The following FIGN variants were observed in gnomAD, a reference collection of about 807,000 sequenced individuals.
The protein encoded by FIGN is fidgetin.
A neutral mutation model predicts 51.3 loss-of-function variants in FIGN; 11 were observed. That is an observed-to-expected ratio of 0.21 (90% confidence interval 0.13 to 0.35). The LOEUF (loss-of-function observed/expected upper bound fraction) is 0.35, where lower values mean the gene tolerates loss of function less well. FIGN is among the 10% of genes least tolerant of loss of function. The pLI is 1.00. For synonymous variants in FIGN, 407 were observed against 363.2 expected (o/e 1.12, Z -1.37); for missense variants, 857 against 943.6 (o/e 0.91, Z 1.20).
intron 2 of FIGN, among the ~76,000 whole-genome samples, chr2:163,714,424 C>T (rs966803150): frequency 2.0e-5 from 3 of 152,164 alleles, no homozygotes. Flanking sequence ...AAGTGTCCTG[C>T]GTCACCTCCC....
intron 2 of FIGN, among the ~76,000 whole-genome samples, chr2:163,660,767 ATG>A (rs1683646975): frequency 9.6e-6 from 1 of 104,676 alleles, no homozygotes; most frequent in Admixed American, 1.3e-4. Flanking sequence ...ATACATATAT[ATG>A]TATACACATA....
In FIGN at chr2:163,611,513, C is replaced by G. The variant is rs976658829; in HGVS notation, c.319G>C (p.Glu107Gln). 6.2e-7 allele frequency: 1 copy of G among 1,614,180 alleles called. No individual in the cohort carries two copies. Among genetic ancestry groups the G allele is most frequent in the African/African-American group, 1.3e-5 (1 of 75,054 alleles). Residue 107 changes from glutamate (E) to glutamine (Q), a missense_variant, in exon 3 of 3, where the codon GAA becomes CAA. Transcript: ENST00000333129. ...GLVNGRKNESEPWQPSLNSEA... is the reference protein window; with the variant it reads ...GLVNGRKNESQPWQPSLNSEA... ...GAATTCAAGGAAGGCTGCCAGGGTT[C>G]ACTTTCATTTTTCCGACCGTTCACT...
chr2:163,613,137 T>A (rs1682797971), intron 2 of FIGN, among the ~76,000 whole-genome samples: 1 of 152,120 alleles, frequency 6.6e-6, no homozygotes, highest in Admixed American at 6.6e-5. Flanking sequence ...CCTCGAGGTC[T>A]CACATACAGT....
At position 163,610,166 on chromosome 2, in the gene FIGN, C is replaced by T; in HGVS notation, c.1666G>A (p.Val556Ile). The T allele has an allele frequency of 6.2e-7, 1 of 1,614,126 alleles. No homozygotes were observed. The highest frequency in any genetic ancestry group is 8.5e-7 in the Non-Finnish European group (1 of 1,180,024). The part of the protein sequence containing the change: ...TFFKIAGSGL[V>I]AKWLGEAEKI... ...TCTGCTTCTCCTAACCACTTGGCGA[C>T]TAGTCCAGAACCGGCAATTTTGAAA... Residue 556 changes from valine (V) to isoleucine (I), a missense_variant, in exon 3 of 3, where the codon GTC becomes ATC. This residue lies in a region of FIGN where 799 missense variants were observed against 849.5 expected (regional missense o/e 0.94). Coordinates refer to ENST00000333129, the MANE Select transcript of FIGN (RefSeq NM_018086.4).
Position 163,624,996 on chromosome 2 carries a change from C to A in FIGN, c.26-13190G>T, listed in dbSNP as rs144433051. Reference sequence around the variant, plus strand: ...ATTTATTGCAATAATCTCTTTTTTTCTATTTTAAATATACTTGGAAATACA... The same window carrying A: ...ATTTATTGCAATAATCTCTTTTTTTATATTTTAAATATACTTGGAAATACA... On this transcript the variant is annotated intron_variant, in intron 2 of 2. Transcript: ENST00000333129. Among the ~76,000 whole-genome samples, 1,371 of 151,836 alleles carry A rather than the reference C, an allele frequency of 9.0e-3. 21 individuals carry two copies. The highest frequency in any genetic ancestry group is 0.028 in the African/African-American group (1,153 of 41,468).
intron 2 of FIGN, among the ~76,000 whole-genome samples, chr2:163,730,856 C>T (rs1049937917): frequency 2.0e-5 from 3 of 152,084 alleles, no homozygotes; most frequent in African/African-American, 7.2e-5. Context: ...ATTTAAATTC[C>T]TGGTAATTAA....
intron 2 of FIGN, among the ~76,000 whole-genome samples, chr2:163,676,166 T>C (rs1382097851): frequency 6.6e-6 from 1 of 151,690 alleles, no homozygotes; most frequent in Non-Finnish European, 1.5e-5. Context: ...AATTCCTTTT[T>C]TTGCTTAAAT....
rs1242702029 is a variant in FIGN, at chr2:163,611,786, G to A, written c.46C>T (p.Pro16Ser). ...TGTTCTGGCCACTGGGCATGCTCTG[G>A]CGTCCACTGCATCTTCAAGCCTAAG... ...SVYGLKMQWTPEHAQWPEQHF... is the reference protein window; with the variant it reads ...SVYGLKMQWTSEHAQWPEQHF... The change falls in exon 3 of 3, where the codon CCA (proline) becomes TCA (serine). Residue 16 changes from proline to serine, a missense_variant. By Grantham distance (74) the Pro-to-Ser change is moderately conservative (BLOSUM62 -1). Around this residue, in one of 3 missense-constraint regions of FIGN, gnomAD observed 56 missense variants for 75.3 expected, o/e 0.74. Coordinates refer to ENST00000333129, the MANE Select transcript of FIGN (RefSeq NM_018086.4). 6.2e-7 allele frequency: 1 copy of A among 1,602,250 alleles called. No individual in the cohort carries two copies. The highest frequency in any genetic ancestry group is 2.2e-5 in the East Asian group (1 of 44,448).
intron 2 of FIGN, among the ~76,000 whole-genome samples, chr2:163,613,913 A>T (rs934763328): frequency 6.6e-6 from 1 of 152,166 alleles, no homozygotes; most frequent in Non-Finnish European, 1.5e-5. Context: ...TAACTTAATC[A>T]ACCTAAATAT....
chr2:163,679,226 A>T (rs1573945117), intron 2 of FIGN, among the ~76,000 whole-genome samples: 1 of 151,830 alleles, frequency 6.6e-6, no homozygotes, highest in African/African-American at 2.4e-5. Context: ...GGGCGTGGCG[A>T]CTCACACCTG....
chr2:163,672,273 C>G (rs1428609918), intron 2 of FIGN, among the ~76,000 whole-genome samples: 1 of 149,922 alleles, frequency 6.7e-6, no homozygotes, highest in East Asian at 2.0e-4. Context: ...AAAACTACTT[C>G]GTTGATTTTG....
chr2:163,618,569 C>T (rs1045199576), intron 2 of FIGN, among the ~76,000 whole-genome samples: 1 of 151,702 alleles, frequency 6.6e-6, no homozygotes, highest in African/African-American at 2.4e-5. Flanking sequence ...CAGCACAGGG[C>T]TTTAAAAATC....
At chr2:163,709,720 G>A (rs907074270) in intron 2 of FIGN, among the ~76,000 whole-genome samples, 1 of 151,924 alleles carries the variant, frequency 6.6e-6, no homozygotes, top group Non-Finnish European at 1.5e-5. Context: ...CCTATAACAA[G>A]GTAAAATAAA....
chr2:163,607,020 C>A lies in FIGN; in HGVS notation c.*2532G>T, dbSNP rs1691125364. 1 of 152,126 alleles carries A rather than the reference C, an allele frequency of 6.6e-6. No individual in the cohort carries two copies. Among genetic ancestry groups the A allele is most frequent in the African/African-American group, 2.4e-5 (1 of 41,432 alleles). The allele number at this position is 152,126 out of a possible 1,614,324, so 9.4% of individuals were successfully genotyped here. A position where few individuals can be genotyped will look rare whatever the true frequency, so the allele number is the denominator to read the frequency against. On this transcript the variant is annotated 3_prime_UTR_variant, in exon 3 of 3. Coordinates refer to ENST00000333129, the MANE Select transcript of FIGN (RefSeq NM_018086.4). The stretch of plus-strand genomic sequence containing the variant: ...TGCAGTCATATATTTGGCATTAAAT[C>A]TTACTAGCCACAAAAAAATGTGGGT...
intron 2 of FIGN, among the ~76,000 whole-genome samples, chr2:163,647,194 C>G (rs1275299720): frequency 6.6e-6 from 1 of 152,162 alleles, no homozygotes; most frequent in Non-Finnish European, 1.5e-5. Flanking sequence ...AAACAAGGTA[C>G]ATACAAACGT....
chr2:163,723,080 G>A (rs1167746922), intron 2 of FIGN, among the ~76,000 whole-genome samples: 1 of 151,784 alleles, frequency 6.6e-6, no homozygotes, highest in African/African-American at 2.4e-5. Flanking sequence ...AGTCCCAGCT[G>A]CTGGGGAGGC....
At chr2:163,686,708 G>A (rs1236072486) in intron 2 of FIGN, among the ~76,000 whole-genome samples, 1 of 151,698 alleles carries the variant, frequency 6.6e-6, no homozygotes, top group Non-Finnish European at 1.5e-5. Context: ...GGCTCCCAGT[G>A]ACATTTAGCT....
At chr2:163,638,438 T>C (rs568847012) in intron 2 of FIGN, among the ~76,000 whole-genome samples, 1 of 152,236 alleles carries the variant, frequency 6.6e-6, no homozygotes, top group Non-Finnish European at 1.5e-5. Flanking sequence ...TCCAAAACAC[T>C]AATTGCTCAC....
At chr2:163,633,377 A>G (rs1401608364) in intron 2 of FIGN, among the ~76,000 whole-genome samples, 2 of 152,140 alleles carry the variant, frequency 1.3e-5, no homozygotes, top group Non-Finnish European at 1.5e-5. Context: ...TCAACGTCCT[A>G]TATTATTTCC....
Sources: allele counts gnomAD v4.1 joint callset (sites outside exome capture counted in the v4.1 genomes callset), GRCh38; gene constraint gnomAD v4.1.1; regional missense constraint gnomAD v4.1.1; transcripts MANE v1.5; gene names NCBI Gene and HGNC (gene_info 2026-07-23, HGNC 2026-07-21).